LRRC59: variants seen among roughly 807,000 people sequenced by gnomAD.
LRRC59 encodes the protein leucine rich repeat containing 59.
In LRRC59, 18 loss-of-function variants were observed where a neutral mutation model predicts 33.5. The ratio of observed to expected loss-of-function variants is 0.54; its 90% CI spans 0.37 to 0.80. The LOEUF (loss-of-function observed/expected upper bound fraction) is 0.80, where lower values mean the gene tolerates loss of function less well. Among genes scored for constraint, LRRC59 ranks in the 30% least tolerant of loss-of-function variants. The probability of loss-of-function intolerance (pLI) is 0.00; values close to 1 mark genes in which losing one functional copy is unlikely to be tolerated. For missense variants in LRRC59, 330 were observed against 391.9 expected, an observed-to-expected ratio of 0.84 and a Z score of 1.33; for synonymous variants, 138 against 160.0, an observed-to-expected ratio of 0.86 and a Z score of 1.04.
At position 50,388,068 on chromosome 17, in the gene LRRC59, A is replaced by C. The variant is rs769289484; in HGVS notation, c.494T>G (p.Val165Gly). 1 of 1,614,160 alleles carries C rather than the reference A, an allele frequency of 6.2e-7. No individual in the cohort carries two copies. Among genetic ancestry groups the C allele is most frequent in the Non-Finnish European group, 8.5e-7 (1 of 1,180,038 alleles). ...GAGGGACAGCCACCTACCACGTTCT[A>C]CTTCCAGCCGCCGCTGCCTCTCCCG... ...QERERQRRLE[V>G]EREAEKKREA... The change falls in exon 5 of 7, where the codon GTA becomes GGA. Residue 165 changes from valine to glycine, a missense_variant. Coordinates refer to ENST00000225972, the MANE Select transcript of LRRC59 (RefSeq NM_018509.4).
At chr17:50,391,527 A>AAGT (rs1914143099) in intron 4 of LRRC59, among the ~76,000 whole-genome samples, 2 of 152,160 alleles carry the variant, frequency 1.3e-5, no homozygotes, top group African/African-American at 2.4e-5. Flanking sequence ...TGGAGGGAAA[A>AAGT]AGTGACTATA....
chr17:50,397,335 G>A lies in LRRC59; in HGVS notation c.-18C>T, dbSNP rs769303351. On this transcript the variant is annotated 5_prime_UTR_variant, in exon 1 of 7. Transcript: ENST00000225972. ...TTGGTCATGGTAACGCCGGCTGAGC[G>A]GGCCCCGGCTCCGGGGTTCCGGCGG... The A allele has an allele frequency of 1.3e-6, 2 of 1,591,324 alleles. No individual in the cohort carries two copies. Among genetic ancestry groups the A allele is most frequent in the Non-Finnish European group, 1.7e-6 (2 of 1,167,156 alleles).
At position 50,397,397 on chromosome 17, in the gene LRRC59, G is replaced by T; in HGVS notation, c.-80C>A. 9.0e-7 allele frequency: 1 copy of T among 1,108,058 alleles called. No individual in the cohort carries two copies. The highest frequency in any genetic ancestry group is 1.3e-6 in the Non-Finnish European group (1 of 788,860). The allele number at this position is 1,108,058 out of a possible 1,614,324, so 68.6% of individuals were successfully genotyped here. ...TGAAATGTCGCTTGTCAGTTCAGCGGCCCCCCACCCAAACGACGACGCCTG... is the reference window on the plus strand; with the variant it reads ...TGAAATGTCGCTTGTCAGTTCAGCGTCCCCCCACCCAAACGACGACGCCTG... On this transcript the variant is annotated 5_prime_UTR_variant, in exon 1 of 7. Transcript: ENST00000225972.
intron 2 of LRRC59, 71 bp from the exon 3 acceptor site, chr17:50,392,968 C>T (rs959810783): frequency 2.8e-6 from 4 of 1,427,218 alleles, no homozygotes; most frequent in Admixed American, 2.0e-5. Flanking sequence ...AAATGTGGCC[C>T]AATACAAATT....
chr17:50,383,294 TA>T, intron 6 of LRRC59, 59 bp from the exon 7 acceptor site: 1 of 1,514,414 alleles, frequency 6.6e-7, no homozygotes, highest in Non-Finnish European at 8.9e-7. Context: ...TGCTCTATAC[TA>T]ATCTCTGCTA....
chr17:50,389,946 A>C (rs1914101372), intron 4 of LRRC59, among the ~76,000 whole-genome samples: 2 of 151,962 alleles, frequency 1.3e-5, no homozygotes, highest in Non-Finnish European at 2.9e-5. Flanking sequence ...AAAAATACAA[A>C]AATTAGCTGG....
intron 6 of LRRC59, among the ~76,000 whole-genome samples, chr17:50,383,754 C>G (rs993597624): frequency 2.0e-5 from 3 of 151,864 alleles, no homozygotes; most frequent in African/African-American, 7.3e-5. Context: ...AGATAGGTAT[C>G]TTTTCTCAAT....
At position 50,382,391 on chromosome 17, in the gene LRRC59, CCT is replaced by C. The variant is rs1436285332; in HGVS notation, c.*595_*596del. 2 of 152,466 alleles carry C rather than the reference CCT, an allele frequency of 1.3e-5. No homozygotes were observed. The highest frequency in any genetic ancestry group is 2.9e-5 in the Non-Finnish European group (2 of 68,266). The allele number at this position is 152,466 out of a possible 1,614,324, so 9.4% of individuals were successfully genotyped here. On this transcript the variant is annotated 3_prime_UTR_variant, in exon 7 of 7. Coordinates refer to ENST00000225972, the MANE Select transcript of LRRC59 (RefSeq NM_018509.4). ...GGGAGACTAGGCAAGTCATGGAAGA[CCT>C]CAGTTTCTCTGTCTGCAAGTGTTAT...
chr17:50,397,432 TCGC>T lies in LRRC59; in HGVS notation c.-118_-116del, dbSNP rs888836920. The stretch of plus-strand genomic sequence containing the variant: ...CAAACGACGACGCCTGAGCCCTCCG[TCGC>T]CGCCGATGCGAGACCGCCTCCGCCC... On this transcript the variant is annotated 5_prime_UTR_variant, in exon 1 of 7. Coordinates refer to ENST00000225972, the MANE Select transcript of LRRC59 (RefSeq NM_018509.4). 15 of 684,584 alleles carry T rather than the reference TCGC, an allele frequency of 2.2e-5. No homozygotes were observed. 42.4% of individuals were successfully genotyped at this position (684,584 alleles called of 1,614,324 possible). A position where few individuals can be genotyped will look rare whatever the true frequency, so the allele number is the denominator to read the frequency against.
chr17:50,383,171 C>G lies in LRRC59; in HGVS notation c.741G>C (p.Val247=). ...GCAGCAGCAGCAGCAGCAGCTTCAG[C>G]ACAGCCCAGGAACGAGTGTGCTTCC... ...PPRKHTRSWA[V]LKLLLLLLLF... The change falls in exon 7 of 7, where the codon GTG becomes GTC. Residue 247 remains valine (V), a synonymous_variant. Coordinates refer to ENST00000225972, the MANE Select transcript of LRRC59 (RefSeq NM_018509.4). 6.4e-7 allele frequency: 1 copy of G among 1,569,316 alleles called. No homozygotes were observed. Among genetic ancestry groups the G allele is most frequent in the Non-Finnish European group, 8.6e-7 (1 of 1,157,276 alleles).
At position 50,382,938 on chromosome 17, in the gene LRRC59, A is replaced by T; in HGVS notation, c.*50T>A. 2 of 1,591,242 alleles carry T rather than the reference A, an allele frequency of 1.3e-6. No homozygotes were observed. The highest frequency in any genetic ancestry group is 2.3e-5 in the South Asian group (2 of 87,736). ...GTTGTGTCCAGCAGAACCCAATTCC[A>T]TAGGAATCCAAACTCCAAGGCTGGG... On this transcript the variant is annotated 3_prime_UTR_variant, in exon 7 of 7. Coordinates refer to ENST00000225972, the MANE Select transcript of LRRC59 (RefSeq NM_018509.4).
chr17:50,388,281 G>A (rs1914059002), intron 4 of LRRC59, 149 bp from the exon 5 acceptor site: 5 of 700,536 alleles, frequency 7.1e-6, no homozygotes, highest in East Asian at 2.7e-5. Flanking sequence ...GCTCACGCCT[G>A]TAACCCCAAC....
intron 2 of LRRC59, 30 bp downstream of exon 2, chr17:50,394,899 G>A (rs1914234852): frequency 1.3e-6 from 2 of 1,510,366 alleles, no homozygotes; most frequent in Admixed American, 3.4e-5. Flanking sequence ...CAAGGCACCA[G>A]AAGGAGTCAC....
intron 4 of LRRC59, among the ~76,000 whole-genome samples, chr17:50,389,408 C>G (rs772228300): frequency 3.9e-5 from 6 of 152,114 alleles, no homozygotes; most frequent in Non-Finnish European, 8.8e-5. Context: ...ATTGTATAAC[C>G]TTGGCAAGTG....
At chr17:50,391,701 C>T (rs1461315604) in intron 4 of LRRC59, among the ~76,000 whole-genome samples, 4 of 152,186 alleles carry the variant, frequency 2.6e-5, no homozygotes, top group Admixed American at 1.3e-4. Context: ...CTGCCCAGGA[C>T]GTGCCTGCTT....
At chr17:50,392,632 C>G (rs1914173966) in intron 3 of LRRC59, 107 bp downstream of exon 3, 1 of 1,515,638 alleles carries the variant, frequency 6.6e-7, no homozygotes, top group Admixed American at 1.7e-5. Flanking sequence ...CCATCTGAGG[C>G]AGGACCAACA....
rs745674948 is a variant in LRRC59, at chr17:50,383,113, G to A, written c.799C>T (p.Arg267Trp). The A allele has an allele frequency of 7.6e-6, 12 of 1,576,498 alleles. No homozygotes were observed. The highest frequency in any genetic ancestry group is 4.6e-5 in the South Asian group (4 of 86,454). ...FGVAGGLVAC[R>W]VTELQQQPLC... ...GGCTGCTGCTGCAGCTCTGTCACCCGACAAGCAACCAGCCCTCCCGCCACA... is the reference window on the plus strand; with the variant it reads ...GGCTGCTGCTGCAGCTCTGTCACCCAACAAGCAACCAGCCCTCCCGCCACA... The change falls in exon 7 of 7, where the codon CGG (arginine) becomes TGG (tryptophan). Residue 267 changes from arginine (R) to tryptophan (W), a missense_variant. Transcript: ENST00000225972.
chr17:50,383,750 G>A (rs1472410484), intron 6 of LRRC59, among the ~76,000 whole-genome samples: 1 of 151,852 alleles, frequency 6.6e-6, no homozygotes, highest in East Asian at 2.0e-4. Flanking sequence ...AGATAGATAG[G>A]TATCTTTTCT....
chr17:50,395,661 T>C (rs1254970474), intron 1 of LRRC59, among the ~76,000 whole-genome samples: 1 of 152,096 alleles, frequency 6.6e-6, no homozygotes, highest in East Asian at 1.9e-4. Flanking sequence ...ACGCCTGTAA[T>C]CCCACCACTT....
Sources: allele counts gnomAD v4.1 joint callset (sites outside exome capture counted in the v4.1 genomes callset), GRCh38; gene constraint gnomAD v4.1.1; transcripts MANE v1.5; gene names NCBI Gene and HGNC (gene_info 2026-07-23, HGNC 2026-07-21).